The following DNM3 variants were observed in gnomAD, a reference collection of about 807,000 sequenced individuals.
DNM3 encodes the protein dynamin-3.
Under a neutral mutation model 101.6 loss-of-function variants are expected in DNM3, and 47 were observed. The ratio of observed to expected loss-of-function variants is 0.46; its 90% CI spans 0.37 to 0.59. DNM3 has a LOEUF of 0.59. Among genes scored for constraint, DNM3 ranks in the 20% least tolerant of loss-of-function variants. The pLI, the probability that DNM3 is intolerant of heterozygous loss-of-function variation, is 0.00. For missense variants in DNM3, 849 were observed against 1,085.7 expected (o/e 0.78, Z 3.06); for synonymous variants, 385 against 387.9 (o/e 0.99, Z 0.09).
chr1:172,322,006 G>A (rs576654754), intron 16 of DNM3, among the ~76,000 whole-genome samples: 22 of 151,814 alleles, frequency 1.4e-4, no homozygotes, highest in Non-Finnish European at 2.2e-4. Context: ...GTTATATCAC[G>A]GCAACTCACA....
At chr1:172,209,528 A>C (rs1351245612) in intron 14 of DNM3, among the ~76,000 whole-genome samples, 1 of 152,010 alleles carries the variant, frequency 6.6e-6, no homozygotes, top group Non-Finnish European at 1.5e-5. Context: ...TACCCTGGAT[A>C]GACTACACTG....
intron 14 of DNM3, among the ~76,000 whole-genome samples, chr1:172,174,570 T>C (rs2059085513): frequency 6.6e-6 from 1 of 151,762 alleles, no homozygotes; most frequent in Non-Finnish European, 1.5e-5. Context: ...TTTTAACAAA[T>C]GTCTCAGTGT....
chr1:172,114,454 G>A (rs150380290), intron 13 of DNM3, among the ~76,000 whole-genome samples: 1 of 152,066 alleles, frequency 6.6e-6, no homozygotes, highest in East Asian at 1.9e-4. Flanking sequence ...CTTCATAAAG[G>A]TTCTTCCATT....
intron 14 of DNM3, among the ~76,000 whole-genome samples, chr1:172,174,672 T>C (rs1405304626): frequency 6.6e-6 from 1 of 151,684 alleles, no homozygotes; most frequent in Admixed American, 6.6e-5. Context: ...GCAACATATG[T>C]GTTAGTAATG....
At chr1:172,043,751 G>A (rs988455993) in intron 8 of DNM3, among the ~76,000 whole-genome samples, 5 of 152,154 alleles carry the variant, frequency 3.3e-5, no homozygotes, top group Admixed American at 1.3e-4. Flanking sequence ...CAATGAAGCC[G>A]GAGAGGCCAA....
intron 4 of DNM3, among the ~76,000 whole-genome samples, chr1:172,005,439 T>C (rs2046624144): frequency 6.6e-6 from 1 of 152,078 alleles, no homozygotes; most frequent in South Asian, 2.1e-4. Flanking sequence ...ATATAGCTGT[T>C]AAACTTAAAT....
intron 17 of DNM3, among the ~76,000 whole-genome samples, chr1:172,329,601 A>G (rs1040028641): frequency 5.3e-5 from 8 of 152,144 alleles, no homozygotes; most frequent in Non-Finnish European, 8.8e-5. Context: ...CAAAAGAAAA[A>G]CAAGAAAGCT....
intron 9 of DNM3, among the ~76,000 whole-genome samples, chr1:172,044,696 G>A (rs112622538): frequency 5.3e-5 from 8 of 152,114 alleles, no homozygotes; most frequent in Non-Finnish European, 8.8e-5. Flanking sequence ...CACAATAGGG[G>A]ATTCGCAGAT....
intron 14 of DNM3, among the ~76,000 whole-genome samples, chr1:172,191,675 G>A (rs539889837): frequency 5.5e-4 from 83 of 152,190 alleles, no homozygotes; most frequent in African/African-American, 1.9e-3. Context: ...ATTTGTTTGT[G>A]TCCTCTTTTA....
intron 4 of DNM3, among the ~76,000 whole-genome samples, chr1:171,999,117 A>C (rs904237552): frequency 6.6e-6 from 1 of 152,118 alleles, no homozygotes; most frequent in Non-Finnish European, 1.5e-5. Context: ...TGCTGTGAGA[A>C]GAAAAGACTG....
chr1:171,883,353 C>CA (rs1274819850), intron 1 of DNM3, among the ~76,000 whole-genome samples: 1 of 126,164 alleles, frequency 7.9e-6, no homozygotes. Context: ...TCTAAAAAAA[C>CA]AAAAAAGGAC....
chr1:171,858,116 G>A (rs1032503123), intron 1 of DNM3, among the ~76,000 whole-genome samples: 2 of 152,178 alleles, frequency 1.3e-5, no homozygotes, highest in Non-Finnish European at 2.9e-5. Flanking sequence ...ATGGTAGCCT[G>A]AGCAGACTAA....
In DNM3 at chr1:172,038,343, A is replaced by G; in HGVS notation, c.874A>G (p.Thr292Ala). The stretch of plus-strand genomic sequence containing the variant: ...GCAACTTACCAACCACATTCGGGAT[A>G]CCCTACCAAACTTCAGGAACAAACT... ...NQQLTNHIRD[T>A]LPNFRNKLQG... Residue 292 changes from threonine (T) to alanine (A), a missense_variant, in exon 7 of 21, where the codon ACC becomes GCC. Around this residue, in one of 5 missense-constraint regions of DNM3, gnomAD observed 388 missense variants for 483.0 expected, o/e 0.80. Transcript: ENST00000627582. 6.2e-7 allele frequency: 1 copy of G among 1,613,324 alleles called. No homozygotes were observed. The highest frequency in any genetic ancestry group is 8.5e-7 in the Non-Finnish European group (1 of 1,179,518).
In DNM3 at chr1:172,409,737, ACTT is replaced by A. The variant is rs1288256239; in HGVS notation, c.*1900_*1902del. ...ATCTTCAGTGAGATCTTTTTATAAA[ACTT>A]CTTGTTTTTAGGATTCCCTTTGCTT... is the stretch of plus-strand genomic sequence containing the variant. On this transcript the variant is annotated 3_prime_UTR_variant, in exon 21 of 21. Coordinates refer to ENST00000627582, the MANE Select transcript of DNM3 (RefSeq NM_015569.5). 1.0e-6 allele frequency: 1 copy of A among 979,144 alleles called. No homozygotes were observed. The highest frequency in any genetic ancestry group is 1.8e-5 in the African/African-American group (1 of 56,602). The allele number at this position is 979,144 out of a possible 1,614,324, so 60.7% of individuals were successfully genotyped here.
intron 2 of DNM3, among the ~76,000 whole-genome samples, chr1:171,942,593 G>A (rs2041893411): frequency 6.6e-6 from 1 of 152,066 alleles, no homozygotes; most frequent in Admixed American, 6.6e-5. Flanking sequence ...AACGAAGTGG[G>A]CAATTTTGAA....
chr1:172,216,012 A>AG (rs2060685903), intron 14 of DNM3, among the ~76,000 whole-genome samples: 1 of 151,010 alleles, frequency 6.6e-6, no homozygotes, highest in African/African-American at 2.4e-5. Context: ...ATTAAAAAAA[A>AG]AAAAAAGAAA....
At chr1:171,922,271 T>C (rs1415302274) in intron 2 of DNM3, among the ~76,000 whole-genome samples, 1 of 152,148 alleles carries the variant, frequency 6.6e-6, no homozygotes, top group Non-Finnish European at 1.5e-5. Context: ...TGCTTCCTTC[T>C]CTCTCTTACA....
At chr1:171,877,618 G>C (rs2035896796) in intron 1 of DNM3, among the ~76,000 whole-genome samples, 1 of 152,148 alleles carries the variant, frequency 6.6e-6, no homozygotes, top group South Asian at 2.1e-4. Flanking sequence ...AAAGAACATA[G>C]GTAATCTATA....
intron 7 of DNM3, among the ~76,000 whole-genome samples, chr1:172,039,131 T>C (rs769835889): frequency 6.6e-6 from 1 of 152,102 alleles, no homozygotes; most frequent in Admixed American, 6.6e-5. Flanking sequence ...TCTTACACTT[T>C]CTTCTCTCCT....
Sources: allele counts gnomAD v4.1 joint callset (sites outside exome capture counted in the v4.1 genomes callset), GRCh38; gene constraint gnomAD v4.1.1; regional missense constraint gnomAD v4.1.1; transcripts MANE v1.5; gene names NCBI Gene and HGNC (gene_info 2026-07-23, HGNC 2026-07-21).